MAPK3: variants seen among roughly 807,000 people sequenced by gnomAD.
MAPK3 encodes the protein MAPK 1.
A neutral mutation model predicts 41.8 loss-of-function variants in MAPK3; 30 were observed. That is an observed-to-expected ratio of 0.72 (90% CI 0.54 to 0.97). MAPK3 has a LOEUF of 0.97. Among genes scored for constraint, MAPK3 ranks in the 50% least tolerant of loss-of-function variants. MAPK3 has a pLI of 0.00. For missense variants in MAPK3, 413 were observed against 509.9 expected, an observed-to-expected ratio of 0.81 and a Z score of 1.83; for synonymous variants, 222 against 213.4, an observed-to-expected ratio of 1.04 and a Z score of -0.35.
chr16:30,122,766 C>T (rs941161091), intron 1 of MAPK3: 1 of 346,236 alleles, frequency 2.9e-6, no homozygotes, highest in Non-Finnish European at 5.2e-6. Context: ...AGGGTCCCCG[C>T]GGGCCCCCAC....
At chr16:30,120,714 C>T (rs1413758985) in intron 2 of MAPK3, among the ~76,000 whole-genome samples, 3 of 144,834 alleles carry the variant, frequency 2.1e-5, no homozygotes, top group African/African-American at 5.2e-5. Flanking sequence ...GACAGGGTCA[C>T]GCTCTGTCCC....
intron 2 of MAPK3, among the ~76,000 whole-genome samples, chr16:30,121,026 A>G (rs1327547327): frequency 7.3e-5 from 11 of 151,660 alleles, no homozygotes; most frequent in African/African-American, 2.7e-4. Flanking sequence ...CTCATAGGGT[A>G]GTTGGGAGGT....
intron 2 of MAPK3, 121 bp from the exon 3 acceptor site, chr16:30,118,659 G>T (rs1351463671): frequency 2.7e-6 from 2 of 729,568 alleles, no homozygotes; most frequent in African/African-American, 1.8e-5. Flanking sequence ...GGACTCAATA[G>T]ATCTGCCAAC....
chr16:30,116,570 A>G (rs2072955483), intron 8 of MAPK3, 66 bp downstream of exon 8: 1 of 1,487,702 alleles, frequency 6.7e-7, no homozygotes, highest in Non-Finnish European at 9.1e-7. Flanking sequence ...ATAGATATAG[A>G]TATAGATATA....
At position 30,120,153 on chromosome 16, in the gene MAPK3, A is replaced by T. The variant is rs1237549325; in HGVS notation, c.354-1615T>A. On this transcript the variant is annotated intron_variant, in intron 2 of 8. Transcript: ENST00000263025. ...CACTGCACTCTAGCCTGGGCAACAG[A>T]GGGAGACTCCATCTAAAAACAAACA... is the stretch of plus-strand genomic sequence containing the variant. 2.0e-5 allele frequency among the ~76,000 whole-genome samples: 3 copies of T among 152,184 alleles called. No homozygotes were observed. In the East Asian group the frequency reaches 5.8e-4, roughly 29 times the overall value.
Position 30,122,018 on chromosome 16 carries a change from G to A in MAPK3, c.171-12C>T, listed in dbSNP as rs780367049. The stretch of plus-strand genomic sequence containing the variant: ...GGTCATAGGCCGAGCTGAGGGGACC[G>A]GAGAGAGGCTGCTGCTGTGGCCTTA... On this transcript the variant is annotated splice_polypyrimidine_tract_variant and intron_variant, in intron 1 of 8. Coordinates refer to ENST00000263025, the MANE Select transcript of MAPK3 (RefSeq NM_002746.3). 4.3e-6 allele frequency: 7 copies of A among 1,613,668 alleles called. No individual in the cohort carries two copies. Among genetic ancestry groups the A allele is most frequent in the Middle Eastern group, 1.6e-4 (1 of 6,062 alleles).
rs139957276 is a variant in MAPK3, at chr16:30,118,056, C to A, written c.651G>T (p.Leu217=). 3.1e-4 allele frequency: 493 copies of A among 1,614,004 alleles called. No homozygotes were observed. The highest frequency in any genetic ancestry group is 2.4e-4 in the Non-Finnish European group (279 of 1,179,930). Residue 217 remains leucine, a synonymous_variant, in exon 4 of 9, where the codon CTG becomes CTT. Coordinates refer to ENST00000263025, the MANE Select transcript of MAPK3 (RefSeq NM_002746.3). ...TRWYRAPEIM[L]NSKGYTKSID... is the part of the protein sequence containing the mutation. ...GGGCAGCCCCTCCTACCTTGGAGTT[C>A]AGCATGATCTCTGGGGCCCGGTACC...
chr16:30,116,990 C>A lies in MAPK3; in HGVS notation c.921G>T (p.Leu307=). 6.2e-7 allele frequency: 1 copy of A among 1,605,892 alleles called. No homozygotes were observed. The highest frequency in any genetic ancestry group is 8.5e-7 in the Non-Finnish European group (1 of 1,175,366). ...TGGGGTTAAAGGTTAACATCCGGTC[C>A]AGCAGGTCAAGGGCTATGGAAGGGC... ...PKSDSKALDL[L]DRMLTFNPNK... The change falls in exon 7 of 9, where the codon CTG becomes CTT. Residue 307 remains leucine (L), a synonymous_variant. Transcript: ENST00000263025.
Position 30,118,052 on chromosome 16 carries a change from A to C in MAPK3, c.655T>G (p.Ser219Ala). The C allele has an allele frequency of 6.2e-7, 1 of 1,613,738 alleles. No individual in the cohort carries two copies. The highest frequency in any genetic ancestry group is 8.5e-7 in the Non-Finnish European group (1 of 1,179,766). The change falls in exon 4 of 9, where the codon TCC (serine) becomes GCC (alanine). Residue 219 changes from serine (S) to alanine (A), a missense_variant. This residue lies in a region of MAPK3 where 140 missense variants were observed against 206.0 expected (regional missense o/e 0.68). Coordinates refer to ENST00000263025, the MANE Select transcript of MAPK3 (RefSeq NM_002746.3). The stretch of plus-strand genomic sequence containing the variant: ...GAGTGGGCAGCCCCTCCTACCTTGG[A>C]GTTCAGCATGATCTCTGGGGCCCGG... Reference protein sequence around the residue: ...WYRAPEIMLNSKGYTKSIDIW... With the variant: ...WYRAPEIMLNAKGYTKSIDIW...
chr16:30,118,803 A>G (rs1244064387), intron 2 of MAPK3, among the ~76,000 whole-genome samples: 1 of 151,228 alleles, frequency 6.6e-6, no homozygotes, highest in Admixed American at 6.6e-5. Flanking sequence ...GGAAACGGGG[A>G]TAATAATAAA....
intron 1 of MAPK3, chr16:30,122,363 T>G (rs532831942): frequency 2.9e-6 from 1 of 349,296 alleles, no homozygotes; most frequent in African/African-American, 2.1e-5. Context: ...GGACACACCA[T>G]GGGGCAAATA....
In MAPK3 at chr16:30,117,761, G is replaced by A; in HGVS notation, c.684C>T (p.Ile228=). The change falls in exon 5 of 9, where the codon ATC becomes ATT. Residue 228 remains isoleucine (I), a synonymous_variant. Transcript: ENST00000263025. ...NSKGYTKSID[I]WSVGCILAEM... Reference sequence around the variant, plus strand: ...CAGCCAGAATGCAGCCCACAGACCAGATGTCGATGGACTTGGTATAGCCCT... The same window carrying A: ...CAGCCAGAATGCAGCCCACAGACCAAATGTCGATGGACTTGGTATAGCCCT... 1 of 1,613,996 alleles carries A rather than the reference G, an allele frequency of 6.2e-7. No individual in the cohort carries two copies. Among genetic ancestry groups the A allele is most frequent in the Non-Finnish European group, 8.5e-7 (1 of 1,179,882 alleles).
In MAPK3 at chr16:30,118,092, C is replaced by T; in HGVS notation, c.615G>A (p.Val205=). ...CTGGGGCCCGGTACCAGCGCGTAGC[C>T]ACATACTCCGTCAGGAAGCCGGTGT... ...HDHTGFLTEY[V]ATRWYRAPEI... is the part of the protein sequence containing the mutation. Residue 205 remains valine (V), a synonymous_variant, in exon 4 of 9, where the codon GTG becomes GTA. Coordinates refer to ENST00000263025, the MANE Select transcript of MAPK3 (RefSeq NM_002746.3). 1.2e-6 allele frequency: 2 copies of T among 1,614,146 alleles called. No homozygotes were observed. The highest frequency in any genetic ancestry group is 1.7e-6 in the Non-Finnish European group (2 of 1,180,026).
rs61764217 is a variant in MAPK3, at chr16:30,117,368, C to T, written c.776-83G>A. 4.5e-3 allele frequency: 6,286 copies of T among 1,407,748 alleles called. 253 individuals carry two copies. In the African/African-American group the frequency reaches 0.079, roughly 18 times the overall value. The allele number at this position is 1,407,748 out of a possible 1,614,324, so 87.2% of individuals were successfully genotyped here. On this transcript the variant is annotated intron_variant, in intron 5 of 8. Coordinates refer to ENST00000263025, the MANE Select transcript of MAPK3 (RefSeq NM_002746.3). ...AGGCAACAAGGCAAGAACAAGACCCCCCAGCCCAGCAACCCATGCCAATCC... is the reference window on the plus strand; with the variant it reads ...AGGCAACAAGGCAAGAACAAGACCCTCCAGCCCAGCAACCCATGCCAATCC...
Position 30,116,710 on chromosome 16 carries a change from C to T in MAPK3, c.1098G>A (p.Gln366=). The change falls in exon 8 of 9, where the codon CAG becomes CAA. Residue 366 remains glutamine, a synonymous_variant. Transcript: ENST00000263025. ...CTCCGGGCTGGAAGCGTGCTGTCTC[C>T]TGGAAGATGAGCTCCTTCAGCCGCT... ...PKERLKELIF[Q]ETARFQPGVL... is the part of the protein sequence containing the mutation. 2 of 1,613,882 alleles carry T rather than the reference C, an allele frequency of 1.2e-6. No homozygotes were observed. The highest frequency in any genetic ancestry group is 1.7e-6 in the Non-Finnish European group (2 of 1,180,004).
chr16:30,121,053 A>AG (rs2073010399), intron 2 of MAPK3, among the ~76,000 whole-genome samples: 1 of 151,718 alleles, frequency 6.6e-6, no homozygotes, highest in Admixed American at 6.6e-5. Context: ...GAAAAAAAAA[A>AG]GCATTGGGCA....
chr16:30,119,291 G>C (rs545972282), intron 2 of MAPK3, among the ~76,000 whole-genome samples: 3 of 152,168 alleles, frequency 2.0e-5, no homozygotes, highest in Non-Finnish European at 2.9e-5. Flanking sequence ...CTGGTATGTA[G>C]GGGAAATAAT....
rs939681829 is a variant in MAPK3 at position 30,114,244 on chromosome 16, A to T, written c.*497T>A. 6.6e-6 allele frequency: 1 copy of T among 152,256 alleles called. No individual in the cohort carries two copies. The highest frequency in any genetic ancestry group is 1.5e-5 in the Non-Finnish European group (1 of 68,062). 9.4% of individuals were successfully genotyped at this position (152,256 alleles called of 1,614,324 possible). A position where few individuals can be genotyped will look rare whatever the true frequency, so the allele number is the denominator to read the frequency against. The stretch of plus-strand genomic sequence containing the variant: ...GAGGGCACGCGAAGTGACAGCTTTG[A>T]CAGGGAGGGGATTCGGCCCGGCCTG... On this transcript the variant is annotated 3_prime_UTR_variant, in exon 9 of 9. Coordinates refer to ENST00000263025, the MANE Select transcript of MAPK3 (RefSeq NM_002746.3).
intron 2 of MAPK3, 151 bp from the exon 3 acceptor site, chr16:30,118,689 A>G: frequency 1.7e-6 from 1 of 605,638 alleles, no homozygotes. Context: ...CAGCTGGGGA[A>G]GCTGCTGCCA....
Sources: allele counts gnomAD v4.1 joint callset (sites outside exome capture counted in the v4.1 genomes callset), GRCh38; gene constraint gnomAD v4.1.1; regional missense constraint gnomAD v4.1.1; transcripts MANE v1.5; gene names NCBI Gene and HGNC (gene_info 2026-07-23, HGNC 2026-07-21).